Variants in CELF1 observed in about 807,000 individuals in gnomAD.
The protein encoded by CELF1 is 50 kDa nuclear polyadenylated RNA-binding protein.
CELF1 carries 10 observed loss-of-function variants against 61.8 expected under a neutral mutation model. That is an observed-to-expected ratio of 0.16 (90% CI 0.10 to 0.27). The LOEUF is 0.27. Ranked by LOEUF, CELF1 falls within the 10% of genes least tolerant of loss-of-function variation. CELF1 has a pLI of 1.00. For synonymous variants in CELF1, 236 were observed against 225.1 expected (o/e 1.05, Z -0.43); for missense variants, 380 against 639.1 (o/e 0.59, Z 4.37).
chr11:47,548,128 G>A (rs1036147755), intron 1 of CELF1, among the ~76,000 whole-genome samples: 7 of 151,498 alleles, frequency 4.6e-5, no homozygotes, highest in Admixed American at 3.3e-4. Context: ...GTGAAACCCC[G>A]TCTCTACTAA....
intron 1 of CELF1, among the ~76,000 whole-genome samples, chr11:47,508,223 T>G (rs941955324): frequency 6.6e-6 from 1 of 152,250 alleles, no homozygotes; most frequent in Admixed American, 6.5e-5. Flanking sequence ...GTTAAATTTC[T>G]ACCTGTTAAG....
chr11:47,488,966 T>C lies in CELF1; in HGVS notation c.130A>G (p.Lys44Glu). Reference protein sequence around the residue: ...HPDQPDLDAIKMFVGQVPRTW... With the variant: ...HPDQPDLDAIEMFVGQVPRTW... ...CTTGGAACCTGGCCCACAAACATCT[T>C]GATAGCATCAAGATCTGGTTGGTCT... Residue 44 changes from lysine (K) to glutamate (E), a missense_variant, in exon 4 of 15, where the codon AAG becomes GAG. Physicochemically the swap from Lys to Glu is moderately conservative, Grantham distance 56 (BLOSUM62 1). Coordinates refer to ENST00000687097, the MANE Select transcript of CELF1 (RefSeq NM_001376376.1). The C allele has an allele frequency of 6.2e-7, 1 of 1,612,960 alleles. No homozygotes were observed. The highest frequency in any genetic ancestry group is 8.5e-7 in the Non-Finnish European group (1 of 1,179,592).
In CELF1 at chr11:47,507,552, C is replaced by T. The variant is rs538967811; in HGVS notation, c.-153-6620G>A. Among the ~76,000 whole-genome samples the T allele has an allele frequency of 2.6e-5, 4 of 152,192 alleles. No homozygotes were observed. The East Asian group carries it at 5.8e-4, about 22-fold the overall frequency. ...CAATTTGTTTTATTTTTAAGCATATCGAACAATCTTGCAAGTAAAGACTGA... is the reference window on the plus strand; with the variant it reads ...CAATTTGTTTTATTTTTAAGCATATTGAACAATCTTGCAAGTAAAGACTGA... On this transcript the variant is annotated intron_variant, in intron 1 of 14. Coordinates refer to ENST00000687097, the MANE Select transcript of CELF1 (RefSeq NM_001376376.1).
intron 2 of CELF1, among the ~76,000 whole-genome samples, chr11:47,500,133 T>C (rs2093711443): frequency 6.6e-6 from 1 of 151,180 alleles, no homozygotes; most frequent in Admixed American, 6.6e-5. Flanking sequence ...GCAAACTGGT[T>C]GAATAAACTG....
At chr11:47,535,695 AT>A (rs1345295711) in intron 1 of CELF1, among the ~76,000 whole-genome samples, 406 of 150,946 alleles carry the variant, frequency 2.7e-3, no homozygotes, top group Non-Finnish European at 3.8e-3. Flanking sequence ...AAAAAAAAAA[AT>A]AAATCATGTC....
chr11:47,528,488 C>T (rs1424071968), intron 1 of CELF1, among the ~76,000 whole-genome samples: 1 of 152,056 alleles, frequency 6.6e-6, no homozygotes, highest in Non-Finnish European at 1.5e-5. Flanking sequence ...CAGTGGCTCA[C>T]ATCTGTAATA....
chr11:47,530,686 G>T (rs2153688842), intron 1 of CELF1, among the ~76,000 whole-genome samples: 1 of 152,312 alleles, frequency 6.6e-6, no homozygotes, highest in East Asian at 1.9e-4. Context: ...TGGGTACAGT[G>T]GCTCATACCT....
rs376747184 is a variant in CELF1, at chr11:47,541,738, G to A, written c.-154+11254C>T. ...AGAAAGAAAGAAAGAACGAAAGAAAGAACGAAAGAAAGAAAGAACGAAAGA... is the reference window on the plus strand; with the variant it reads ...AGAAAGAAAGAAAGAACGAAAGAAAAAACGAAAGAAAGAAAGAACGAAAGA... On this transcript the variant is annotated intron_variant, in intron 1 of 14. Coordinates refer to ENST00000687097, the MANE Select transcript of CELF1 (RefSeq NM_001376376.1). Among the ~76,000 whole-genome samples, 8 of 10,446 alleles carry A rather than the reference G, an allele frequency of 7.7e-4. 4 individuals are homozygous for A. The highest frequency in any genetic ancestry group is 0.014 in the East Asian group (2 of 146). 6.9% of individuals were successfully genotyped at this position (10,446 alleles called of 152,430 possible).
chr11:47,481,291 G>A (rs2083113278), intron 9 of CELF1, among the ~76,000 whole-genome samples: 1 of 151,236 alleles, frequency 6.6e-6, no homozygotes, highest in Admixed American at 6.6e-5. Context: ...CCACACCCAT[G>A]TAATTTTTTT....
At chr11:47,521,339 G>A (rs1477505143) in intron 1 of CELF1, among the ~76,000 whole-genome samples, 1 of 152,168 alleles carries the variant, frequency 6.6e-6, no homozygotes, top group Admixed American at 6.5e-5. Flanking sequence ...ATTTTCATAA[G>A]GAAATTCTAA....
At chr11:47,516,051 A>G (rs2095536178) in intron 1 of CELF1, among the ~76,000 whole-genome samples, 1 of 151,814 alleles carries the variant, frequency 6.6e-6, no homozygotes, top group South Asian at 2.1e-4. Flanking sequence ...AAAAATACAA[A>G]AATTAGCTGG....
At chr11:47,548,224 G>A (rs1327367202) in intron 1 of CELF1, among the ~76,000 whole-genome samples, 3 of 151,968 alleles carry the variant, frequency 2.0e-5, no homozygotes, top group Admixed American at 2.0e-4. Context: ...GCTTGAACCA[G>A]GGCGACAGAG....
intron 3 of CELF1, among the ~76,000 whole-genome samples, chr11:47,494,825 T>G (rs1596813808): frequency 6.6e-6 from 1 of 152,256 alleles, no homozygotes; most frequent in Admixed American, 6.5e-5. Context: ...CAAGTGGCTA[T>G]TTAAACTTAA....
At chr11:47,543,874 T>C (rs1023382253) in intron 1 of CELF1, among the ~76,000 whole-genome samples, 2 of 152,202 alleles carry the variant, frequency 1.3e-5, no homozygotes, top group African/African-American at 4.8e-5. Context: ...CTCTAAATAT[T>C]AGAGCCCTCC....
chr11:47,544,738 A>G (rs1432202985), intron 1 of CELF1, among the ~76,000 whole-genome samples: 1 of 152,140 alleles, frequency 6.6e-6, no homozygotes, highest in African/African-American at 2.4e-5. Flanking sequence ...TGAGGCGGGC[A>G]GTTCACCTGA....
At chr11:47,562,706 T>TG (rs796228379) in intron 2 of CELF1, among the ~76,000 whole-genome samples, 7 of 150,758 alleles carry the variant, frequency 4.6e-5, no homozygotes, top group African/African-American at 1.5e-4. Context: ...TTTTTTGTTT[T>TG]GTTTTGTTTT....
At chr11:47,507,342 T>TC (rs1042657584) in intron 1 of CELF1, among the ~76,000 whole-genome samples, 6 of 152,002 alleles carry the variant, frequency 3.9e-5, no homozygotes, top group African/African-American at 1.5e-4. Flanking sequence ...CCACACTATT[T>TC]CCCCAAAGCA....
In CELF1 at chr11:47,559,085, ATATAATATATAT is replaced by A. The variant is rs1421933639; in HGVS notation, c.-11+5254_-11+5265del. Among the ~76,000 whole-genome samples, 7 of 143,176 alleles carry A rather than the reference ATATAATATATAT, an allele frequency of 4.9e-5. No homozygotes were observed. The Admixed American group carries it at 5.2e-4, about 11-fold the overall frequency. The allele number at this position is 143,176 out of a possible 152,430, so 93.9% of individuals were successfully genotyped here. On this transcript the variant is annotated intron_variant, in intron 2 of 3. Coordinates refer to the CELF1 transcript ENST00000525841. ...ATATATAATAATATAATATATAATA[ATATAATATATAT>A]TATATATGTATTTTTTGAGACGGAG...
At chr11:47,484,286 G>C in intron 7 of CELF1, 103 bp downstream of exon 7, 1 of 1,305,444 alleles carries the variant, frequency 7.7e-7, no homozygotes, top group Non-Finnish European at 1.1e-6. Flanking sequence ...CTGCACTCCA[G>C]CCTGGGTGAG....
Sources: gnomAD v4.1 joint callset for allele counts (sites outside exome capture counted in the v4.1 genomes callset) on GRCh38, gnomAD v4.1.1 for gene constraint, MANE v1.5 for transcripts, NCBI Gene and HGNC (gene_info 2026-07-23, HGNC 2026-07-21) for gene names.